CENPN: variants seen among roughly 807,000 people sequenced by gnomAD.
CENPN encodes the protein centromere protein N.
CENPN carries 36 observed loss-of-function variants against 48.6 expected under a neutral mutation model. The ratio of observed to expected loss-of-function variants is 0.74; its 90% CI spans 0.57 to 0.98. The LOEUF is 0.98. Among genes scored for constraint, CENPN ranks in the 50% least tolerant of loss-of-function variants. The pLI, the probability that CENPN is intolerant of heterozygous loss-of-function variation, is 0.00. For missense variants in CENPN, 439 were observed against 399.2 expected (o/e 1.10, Z -0.85); for synonymous variants, 166 against 135.2 (o/e 1.23, Z -1.58).
At position 81,030,237 on chromosome 16, in the gene CENPN, ATG is replaced by A; in HGVS notation, c.*1588_*1589del. ...GGCATGAGCTACCACGCCCGCCAGCATGTCTTTTTTAAACATTTTAAAATCTA... is the reference window on the plus strand; with the variant it reads ...GGCATGAGCTACCACGCCCGCCAGCATCTTTTTTAAACATTTTAAAATCTA... On this transcript the variant is annotated 3_prime_UTR_variant, in exon 11 of 11. Coordinates refer to ENST00000305850, the MANE Select transcript of CENPN (RefSeq NM_001100624.3). The A allele has an allele frequency of 1.0e-6, 1 of 985,464 alleles. No individual in the cohort carries two copies. The highest frequency in any genetic ancestry group is 1.2e-6 in the Non-Finnish European group (1 of 829,934). The allele number at this position is 985,464 out of a possible 1,614,324, so 61.0% of individuals were successfully genotyped here.
At chr16:81,021,749 G>A (rs1199332786) in intron 6 of CENPN, among the ~76,000 whole-genome samples, 1 of 151,266 alleles carries the variant, frequency 6.6e-6, no homozygotes, top group Non-Finnish European at 1.5e-5. Flanking sequence ...TTACCCCAAA[G>A]GCTAATGTTC....
intron 8 of CENPN, among the ~76,000 whole-genome samples, chr16:81,025,439 GT>G (rs1480280104): frequency 6.6e-6 from 1 of 152,182 alleles, no homozygotes. Context: ...AAATGAAACA[GT>G]GCCACTGTTA....
intron 9 of CENPN, among the ~76,000 whole-genome samples, chr16:81,027,356 C>CAT (rs918918533): frequency 1.3e-5 from 2 of 152,080 alleles, no homozygotes; most frequent in African/African-American, 4.8e-5. Flanking sequence ...GGTGTGGTGG[C>CAT]ATGTGGCTGT....
chr16:81,025,229 T>C (rs1370019363), intron 8 of CENPN, among the ~76,000 whole-genome samples: 2 of 152,328 alleles, frequency 1.3e-5, no homozygotes, highest in East Asian at 3.9e-4. Context: ...GAGCCCATGC[T>C]CTTAATGCGC....
rs188232348 is a variant in CENPN, at chr16:81,017,612, C to G, written c.278-146C>G. On this transcript the variant is annotated intron_variant, in intron 4 of 10. Coordinates refer to ENST00000305850, the MANE Select transcript of CENPN (RefSeq NM_001100624.3). The stretch of plus-strand genomic sequence containing the variant: ...AGAAACATACTTCTTGGTGCCATGT[C>G]AGAAGTACTAGCACCATTTGTGTGA... 78 of 697,162 alleles carry G rather than the reference C, an allele frequency of 1.1e-4. No homozygotes were observed. The African/African-American group carries it at 1.1e-3, about 10-fold the overall frequency. The allele number at this position is 697,162 out of a possible 1,614,324, so 43.2% of individuals were successfully genotyped here. A position where few individuals can be genotyped will look rare whatever the true frequency, so the allele number is the denominator to read the frequency against.
At chr16:81,024,565 T>C (rs567171711) in intron 7 of CENPN, 150 bp from the exon 8 acceptor site, 9 of 505,512 alleles carry the variant, frequency 1.8e-5, no homozygotes, top group Middle Eastern at 5.7e-4. Flanking sequence ...AGTGTCCTGC[T>C]CAACTCAGCC....
Position 81,020,186 on chromosome 16 carries a change from C to G in CENPN, c.441C>G (p.Tyr147Ter), listed in dbSNP as rs533388827. Residue 147 changes from tyrosine (Y) to a stop codon, truncating the protein, a stop_gained, in exon 6 of 11, where the codon TAC becomes TAG. Transcript: ENST00000305850. LOFTEE classifies it high-confidence loss of function. The part of the protein sequence containing the change: ...WGTQYTKPNQ[Y>*]KPTYVVYYSQ... ...CACAGTACACAAAGCCAAACCAGTACAAACCTACCTACGTGGTGTACTACT... is the reference window on the plus strand; with the variant it reads ...CACAGTACACAAAGCCAAACCAGTAGAAACCTACCTACGTGGTGTACTACT... 1 of 1,613,826 alleles carries G rather than the reference C, an allele frequency of 6.2e-7. No homozygotes were observed. The highest frequency in any genetic ancestry group is 1.1e-5 in the South Asian group (1 of 91,078).
intron 1 of CENPN, among the ~76,000 whole-genome samples, chr16:81,008,688 C>T (rs1478849651): frequency 6.6e-6 from 1 of 152,146 alleles, no homozygotes; most frequent in African/African-American, 2.4e-5. Context: ...GTTTCACTGA[C>T]TGTTGAACCC....
intron 3 of CENPN, among the ~76,000 whole-genome samples, chr16:81,015,014 G>C (rs796379917): frequency 6.6e-6 from 1 of 152,150 alleles, no homozygotes; most frequent in Admixed American, 6.6e-5. Context: ...AGGTAGGCTG[G>C]GCTAAGCTAA....
intron 8 of CENPN, among the ~76,000 whole-genome samples, chr16:81,026,097 A>G (rs12597441): frequency 1.9e-4 from 24 of 126,680 alleles, no homozygotes; most frequent in African/African-American, 3.2e-4. Flanking sequence ...GTGTATATAT[A>G]TGTGTGTGTA....
intron 2 of CENPN, 91 bp downstream of exon 2, chr16:81,012,201 G>GTAGTT: frequency 8.4e-7 from 1 of 1,190,490 alleles, no homozygotes; most frequent in Non-Finnish European, 1.2e-6. Flanking sequence ...GAGATGTAAG[G>GTAGTT]TAGCTGCTAA....
intron 2 of CENPN, 29 bp from the exon 3 acceptor site, chr16:81,014,107 G>C (rs1222917250): frequency 1.2e-6 from 2 of 1,600,446 alleles, no homozygotes; most frequent in Non-Finnish European, 1.7e-6. Flanking sequence ...TATAACCACA[G>C]TTACTAAATA....
intron 5 of CENPN, among the ~76,000 whole-genome samples, chr16:81,019,817 G>A (rs1300937611): frequency 6.6e-6 from 1 of 150,428 alleles, no homozygotes; most frequent in East Asian, 1.9e-4. Flanking sequence ...AGGCTGCCGT[G>A]AGCAGGCTAT....
At position 81,030,109 on chromosome 16, in the gene CENPN, T is replaced by C; in HGVS notation, c.*1458T>C. On this transcript the variant is annotated 3_prime_UTR_variant, in exon 11 of 11. Transcript: ENST00000305850. Reference sequence around the variant, plus strand: ...CATGAGAATAGTATGGGGGAAATCGTTCCCATGACTCAAGTATCTCCACCT... The same window carrying C: ...CATGAGAATAGTATGGGGGAAATCGCTCCCATGACTCAAGTATCTCCACCT... The C allele has an allele frequency of 1.5e-6, 1 of 683,984 alleles. No individual in the cohort carries two copies. Among genetic ancestry groups the C allele is most frequent in the Non-Finnish European group, 1.8e-6 (1 of 554,938 alleles). The allele number at this position is 683,984 out of a possible 1,614,324, so 42.4% of individuals were successfully genotyped here.
At position 81,017,342 on chromosome 16, in the gene CENPN, G is replaced by C; in HGVS notation, c.234G>C (p.Gln78His). ...CTCTCTCAGATATGCAATTTCATCA[G>C]CACCAGAAAGTTTGGGAAGTTTTTC... is the stretch of plus-strand genomic sequence containing the variant. Reference protein sequence around the residue: ...LLDIIYMQFHQHQKVWEVFQM... With the variant: ...LLDIIYMQFHHHQKVWEVFQM... The change falls in exon 4 of 11, where the codon CAG (glutamine) becomes CAC (histidine). Residue 78 changes from glutamine to histidine, a missense_variant. Transcript: ENST00000305850. 1 of 1,597,258 alleles carries C rather than the reference G, an allele frequency of 6.3e-7. No homozygotes were observed. The highest frequency in any genetic ancestry group is 8.6e-7 in the Non-Finnish European group (1 of 1,165,318).
intron 3 of CENPN, 28 bp from the exon 4 acceptor site, chr16:81,017,298 A>G: frequency 4.7e-6 from 7 of 1,487,654 alleles, no homozygotes; most frequent in Non-Finnish European, 6.6e-6. Context: ...ATGATATGCT[A>G]GTAATAAAGC....
At chr16:81,032,739 T>C, downstream of CENPN, 1 of 1,569,090 alleles carries the variant, frequency 6.4e-7, no homozygotes, top group Non-Finnish European at 8.7e-7. Context: ...GTTAATCAAA[T>C]GTATGTCTCT....
At chr16:81,020,935 C>CA (rs1311569416) in intron 6 of CENPN, among the ~76,000 whole-genome samples, 2 of 151,540 alleles carry the variant, frequency 1.3e-5, no homozygotes, top group African/African-American at 2.4e-5. Flanking sequence ...ACTAAAAATA[C>CA]AAAAAAATTA....
chr16:81,018,361 A>G (rs1018451887), intron 5 of CENPN, among the ~76,000 whole-genome samples: 1 of 151,960 alleles, frequency 6.6e-6, no homozygotes, highest in African/African-American at 2.4e-5. Context: ...TTTAGTAGTG[A>G]TGGGGTTTCT....
Sources: allele counts gnomAD v4.1 joint callset (sites outside exome capture counted in the v4.1 genomes callset), GRCh38; gene constraint gnomAD v4.1.1; transcripts MANE v1.5; gene names NCBI Gene and HGNC (gene_info 2026-07-23, HGNC 2026-07-21).